Variants in EIF4ENIF1 observed in about 807,000 individuals in gnomAD.
EIF4ENIF1 encodes the protein eukaryotic translation initiation factor 4E nuclear import factor 1, also known as eukaryotic translation initiation factor 4E transporter.
EIF4ENIF1 carries 23 observed loss-of-function variants against 110.5 expected under a neutral mutation model. The observed-to-expected ratio is 0.21, with a 90% confidence interval of 0.15 to 0.29. The LOEUF is 0.29. Among genes scored for constraint, EIF4ENIF1 ranks in the 10% least tolerant of loss-of-function variants. The probability of loss-of-function intolerance (pLI) is 1.00; values close to 1 mark genes in which losing one functional copy is unlikely to be tolerated. For synonymous variants in EIF4ENIF1, 440 were observed against 437.0 expected (o/e 1.01, Z -0.09); for missense variants, 1,031 against 1,221.1 (o/e 0.84, Z 2.32).
chr22:31,448,033 G>C (rs901340369), intron 13 of EIF4ENIF1, 120 bp downstream of exon 13: 8 of 1,082,696 alleles, frequency 7.4e-6, no homozygotes, highest in Non-Finnish European at 1.1e-5. Context: ...ACGGGCATGA[G>C]CCACTATGCC....
chr22:31,489,045 G>A (rs2052154792), intron 1 of EIF4ENIF1: 8 of 252,060 alleles, frequency 3.2e-5, no homozygotes, highest in South Asian at 2.8e-4. Flanking sequence ...CCACCCATGG[G>A]GATCTTTCAA....
rs71319194 is a variant in EIF4ENIF1, at chr22:31,463,651, TAAAAAAAAAA to T, written c.585+20_585+29del. ...ACAAGAGCGAAACTCCGTCTCAATT[TAAAAAAAAAA>T]AAAAAAAAAAAAGACAAACCCTGAA... On this transcript the variant is annotated intron_variant, in intron 5 of 18. Coordinates refer to ENST00000330125, the MANE Select transcript of EIF4ENIF1 (RefSeq NM_019843.4). 10 of 1,334,110 alleles carry T rather than the reference TAAAAAAAAAA, an allele frequency of 7.5e-6. No homozygotes were observed. Among genetic ancestry groups the T allele is most frequent in the African/African-American group, 3.5e-5 (2 of 56,340 alleles). 82.6% of individuals were successfully genotyped at this position (1,334,110 alleles called of 1,614,324 possible).
At chr22:31,442,253 G>A (rs1410402836) in intron 16 of EIF4ENIF1, 135 bp from the exon 17 acceptor site, 23 of 689,998 alleles carry the variant, frequency 3.3e-5, no homozygotes, top group Non-Finnish European at 4.1e-5. Context: ...AGGACTACAC[G>A]GTAGGAACCA....
In EIF4ENIF1 at chr22:31,450,325, C is replaced by A; in HGVS notation, c.1548G>T (p.Glu516Asp). 1 of 1,613,602 alleles carries A rather than the reference C, an allele frequency of 6.2e-7. No homozygotes were observed. Among genetic ancestry groups the A allele is most frequent in the South Asian group, 1.1e-5 (1 of 91,070 alleles). ...TCTTAGGGACAGGCTGGCCTGGAAT[C>A]TCAGCAGGGGACATCAAATGGCTTT... ...NLESHLMSPA[E>D]IPGQPVPKNI... is the part of the protein sequence containing the mutation. The change falls in exon 11 of 19, where the codon GAG becomes GAT. Residue 516 changes from glutamate (E) to aspartate (D), a missense_variant. Physicochemically the swap from Glu to Asp is conservative, Grantham distance 45. Transcript: ENST00000330125.
At chr22:31,479,719 T>C (rs2051739974) in intron 2 of EIF4ENIF1, among the ~76,000 whole-genome samples, 1 of 147,514 alleles carries the variant, frequency 6.8e-6, no homozygotes, top group African/African-American at 2.5e-5. Flanking sequence ...TCTATCCTTT[T>C]GGAGTTTTTT....
chr22:31,440,391 T>A (rs1162907221), intron 18 of EIF4ENIF1, among the ~76,000 whole-genome samples: 2 of 152,104 alleles, frequency 1.3e-5, no homozygotes, highest in African/African-American at 2.4e-5. Context: ...AGCAGCAACA[T>A]GAACTGGTGA....
intron 7 of EIF4ENIF1, among the ~76,000 whole-genome samples, chr22:31,456,391 T>G (rs2050821720): frequency 6.6e-6 from 1 of 151,222 alleles, no homozygotes; most frequent in Non-Finnish European, 1.5e-5. Context: ...GCCCGGCTAA[T>G]TTTTTGTATT....
chr22:31,478,949 C>CAA lies in EIF4ENIF1; in HGVS notation c.97-7034_97-7033dup, dbSNP rs377466384. Among the ~76,000 whole-genome samples, 579 of 89,148 alleles carry CAA rather than the reference C, an allele frequency of 6.5e-3. 2 individuals are homozygous for CAA. Among genetic ancestry groups the CAA allele is most frequent in the Middle Eastern group, 0.015 (2 of 132 alleles). 58.5% of individuals were successfully genotyped at this position (89,148 alleles called of 152,430 possible). On this transcript the variant is annotated intron_variant, in intron 2 of 18. Coordinates refer to ENST00000330125, the MANE Select transcript of EIF4ENIF1 (RefSeq NM_019843.4). Reference sequence around the variant, plus strand: ...CCTGGGTGACACAGAGAGACTGTTTCAAAAAAAAAAAAAAAAAAAGTTTGC... The same window carrying CAA: ...CCTGGGTGACACAGAGAGACTGTTTCAAAAAAAAAAAAAAAAAAAAAGTTTGC...
chr22:31,471,687 T>C (rs2051385175), intron 3 of EIF4ENIF1, among the ~76,000 whole-genome samples, 157 bp downstream of exon 3: 1 of 152,224 alleles, frequency 6.6e-6, no homozygotes. Context: ...GTTTCATTCC[T>C]AGGTAGTTGA....
At chr22:31,441,291 A>G (rs373332324) in intron 17 of EIF4ENIF1, among the ~76,000 whole-genome samples, 1 of 151,942 alleles carries the variant, frequency 6.6e-6, no homozygotes, top group Non-Finnish European at 1.5e-5. Context: ...TAATCCTGAC[A>G]CTTTGGGAGG....
At position 31,448,186 on chromosome 22, in the gene EIF4ENIF1, G is replaced by A. The variant is rs531230794; in HGVS notation, c.1815C>T (p.Gly605=). The A allele has an allele frequency of 6.2e-7, 1 of 1,614,218 alleles. No individual in the cohort carries two copies. The highest frequency in any genetic ancestry group is 1.3e-5 in the African/African-American group (1 of 75,062). ...TGATGGGGCTCATGGGTTTGCGCAT[G>A]CCTTGGAATGGATCTCCGAGTAGCT... ...PQQLLGDPFQ[G]MRKPMSPITA... Residue 605 remains glycine, a synonymous_variant, in exon 13 of 19, where the codon GGC becomes GGT. Coordinates refer to ENST00000330125, the MANE Select transcript of EIF4ENIF1 (RefSeq NM_019843.4).
At chr22:31,440,180 G>A in intron 18 of EIF4ENIF1, 59 bp from the exon 19 acceptor site, 1 of 1,612,130 alleles carries the variant, frequency 6.2e-7, no homozygotes, top group Non-Finnish European at 8.5e-7. Context: ...ATTAGACCCT[G>A]CTTCATTCAA....
rs2052137039 is a variant in EIF4ENIF1, at chr22:31,488,669, T to C, written c.50A>G (p.Asp17Gly). Reference protein sequence around the residue: ...GETESGDAFLDLKKPPASKCP... With the variant: ...GETESGDAFLGLKKPPASKCP... ...TTTGGAGGCAGGAGGCTTCTTCAGG[T>C]CAAGGAAAGCATCTCCACTTTCTGT... is the stretch of plus-strand genomic sequence containing the variant. The change falls in exon 2 of 19, where the codon GAC (aspartate) becomes GGC (glycine). Residue 17 changes from aspartate (D) to glycine (G), a missense_variant. Physicochemically the swap from Asp to Gly is moderately conservative, Grantham distance 94. Coordinates refer to ENST00000330125, the MANE Select transcript of EIF4ENIF1 (RefSeq NM_019843.4). 3.1e-6 allele frequency: 5 copies of C among 1,613,978 alleles called. No individual in the cohort carries two copies. The highest frequency in any genetic ancestry group is 1.7e-5 in the Admixed American group (1 of 59,996).
Position 31,449,511 on chromosome 22 carries a change from A to G in EIF4ENIF1, c.1605T>C (p.Val535=). The G allele has an allele frequency of 6.2e-7, 1 of 1,613,646 alleles. No individual in the cohort carries two copies. The highest frequency in any genetic ancestry group is 8.5e-7 in the Non-Finnish European group (1 of 1,179,862). The change falls in exon 12 of 19, where the codon GTT becomes GTC. Residue 535 remains valine (V), a synonymous_variant. Coordinates refer to ENST00000330125, the MANE Select transcript of EIF4ENIF1 (RefSeq NM_019843.4). ...GAAGATTGGAAGAAGCAGGTCTCTG[A>G]ACTGGTTGACCCAGAAGTTCCTAAA... ...NILQELLGQP[V]QRPASSNLLS...
upstream of EIF4ENIF1, among the ~76,000 whole-genome samples, chr22:31,492,327 A>C (rs1213423802): frequency 6.6e-6 from 1 of 151,906 alleles, no homozygotes; most frequent in African/African-American, 2.4e-5. Flanking sequence ...AGGAACTTAG[A>C]CTCCACCTCT....
intron 10 of EIF4ENIF1, among the ~76,000 whole-genome samples, chr22:31,452,994 C>T (rs1376250659): frequency 6.6e-6 from 1 of 152,074 alleles, no homozygotes; most frequent in Non-Finnish European, 1.5e-5. Flanking sequence ...TTGCTACTTG[C>T]ATCTTGGCTA....
At chr22:31,466,578 T>C (rs1199993073) in intron 4 of EIF4ENIF1, among the ~76,000 whole-genome samples, 1 of 124,734 alleles carries the variant, frequency 8.0e-6, no homozygotes, top group Non-Finnish European at 1.6e-5. Flanking sequence ...GGAGACTCTG[T>C]CTCAAAAAAA....
At chr22:31,450,496 G>T (rs2050612801) in intron 10 of EIF4ENIF1, 136 bp from the exon 11 acceptor site, 1 of 623,958 alleles carries the variant, frequency 1.6e-6, no homozygotes, top group African/African-American at 1.9e-5. Flanking sequence ...AGAAAACTTA[G>T]ACCAACGTGT....
chr22:31,442,907 A>T, intron 16 of EIF4ENIF1, 55 bp downstream of exon 16: 1 of 1,602,362 alleles, frequency 6.2e-7, no homozygotes, highest in Non-Finnish European at 8.5e-7. Flanking sequence ...GCTCAGGCCC[A>T]TGTTTTCTCC....
Sources: gnomAD v4.1 joint callset for allele counts (sites outside exome capture counted in the v4.1 genomes callset) on GRCh38, gnomAD v4.1.1 for gene constraint, MANE v1.5 for transcripts, NCBI Gene and HGNC (gene_info 2026-07-23, HGNC 2026-07-21) for gene names.